INPP5D: variants seen among roughly 807,000 people sequenced by gnomAD.
INPP5D encodes phosphatidylinositol 3,4,5-trisphosphate 5-phosphatase 1.
In INPP5D, 33 loss-of-function variants were observed where a neutral mutation model predicts 122.9. The ratio of observed to expected loss-of-function variants is 0.27; its 90% confidence interval spans 0.20 to 0.36. INPP5D has a LOEUF of 0.36. Ranked by LOEUF, INPP5D falls within the 10% of genes least tolerant of loss-of-function variation. The pLI is 1.00. For synonymous variants in INPP5D, 584 were observed against 576.2 expected, an observed-to-expected ratio of 1.01 and a Z score of -0.19; for missense variants, 1,053 against 1,412.7, an observed-to-expected ratio of 0.75 and a Z score of 4.08.
In INPP5D at chr2:233,116,749, A is replaced by T. The variant is rs571552643; in HGVS notation, c.199-5358A>T. Reference sequence around the variant, plus strand: ...GTAGCTGGGATTACAGGCGCCTGCCACTGCACCTGGCTAATTTTTGTATTT... The same window carrying T: ...GTAGCTGGGATTACAGGCGCCTGCCTCTGCACCTGGCTAATTTTTGTATTT... On this transcript the variant is annotated intron_variant, in intron 2 of 26. Coordinates refer to ENST00000445964, the MANE Select transcript of INPP5D (RefSeq NM_001017915.3). Among the ~76,000 whole-genome samples the T allele has an allele frequency of 5.9e-5, 9 of 151,988 alleles. No homozygotes were observed. The East Asian group carries it at 1.4e-3, about 23-fold the overall frequency.
chr2:233,064,041 A>G (rs1230225967), intron 1 of INPP5D, among the ~76,000 whole-genome samples: 2 of 152,266 alleles, frequency 1.3e-5, no homozygotes, highest in African/African-American at 4.8e-5. Flanking sequence ...GCAAGGGTCC[A>G]TGGGTTGGCC....
At chr2:233,065,267 T>A (rs1364638965) in intron 1 of INPP5D, among the ~76,000 whole-genome samples, 1 of 151,906 alleles carries the variant, frequency 6.6e-6, no homozygotes, top group Non-Finnish European at 1.5e-5. Flanking sequence ...ACCTGGTAGG[T>A]TAAATTCATA....
At chr2:233,203,982 C>A (rs879258147) in intron 25 of INPP5D, 144 bp from the exon 26 acceptor site, 2 of 1,313,122 alleles carry the variant, frequency 1.5e-6, no homozygotes, top group Non-Finnish European at 2.0e-6. Flanking sequence ...TGGTGCCATT[C>A]AGTAAATTTG....
At chr2:233,076,228 A>G (rs1471671360) in intron 1 of INPP5D, 1 of 152,252 alleles carries the variant, frequency 6.6e-6, no homozygotes, top group Non-Finnish European at 1.5e-5. Context: ...CCAAGGGAAG[A>G]GAGCATTGAA....
chr2:233,135,144 C>T (rs958040916), intron 5 of INPP5D, among the ~76,000 whole-genome samples: 2 of 150,650 alleles, frequency 1.3e-5, no homozygotes, highest in East Asian at 3.9e-4. Flanking sequence ...TTGAGAAGCT[C>T]CATAATGATC....
chr2:233,178,205 GA>G (rs1321110006), intron 18 of INPP5D, among the ~76,000 whole-genome samples: 5 of 152,136 alleles, frequency 3.3e-5, no homozygotes, highest in Non-Finnish European at 5.9e-5. Flanking sequence ...GCTGAGGGGG[GA>G]GGATCGCTTG....
chr2:233,086,119 C>G (rs550585456), intron 2 of INPP5D, among the ~76,000 whole-genome samples: 5 of 93,916 alleles, frequency 5.3e-5, no homozygotes, highest in African/African-American at 2.0e-4. Context: ...ATAAGATAGC[C>G]TCTTTCTTTC....
chr2:233,165,775 T>C (rs1694318289), intron 13 of INPP5D, among the ~76,000 whole-genome samples: 1 of 152,074 alleles, frequency 6.6e-6, no homozygotes, highest in South Asian at 2.1e-4. Context: ...TGTGAGTGTG[T>C]GTTTATGAGA....
At chr2:233,204,831 T>TGCGTGCATGTGTGAACGCATGCATGTGC in intron 26 of INPP5D, 114 bp downstream of exon 26, 1 of 1,393,890 alleles carries the variant, frequency 7.2e-7, no homozygotes, top group Non-Finnish European at 9.4e-7. Flanking sequence ...CATGCATATG[T>TGCGTGCATGTGTGAACGCATGCATGTGC]GCGTGCATGT....
chr2:233,094,136 T>G (rs1322187197), intron 2 of INPP5D, among the ~76,000 whole-genome samples: 2 of 151,994 alleles, frequency 1.3e-5, no homozygotes, highest in African/African-American at 2.4e-5. Context: ...TCATGATAAT[T>G]TTATTGCACA....
At chr2:233,083,439 C>G (rs1691743350) in intron 2 of INPP5D, among the ~76,000 whole-genome samples, 1 of 152,208 alleles carries the variant, frequency 6.6e-6, no homozygotes, top group Non-Finnish European at 1.5e-5. Flanking sequence ...ACCTTCTGGA[C>G]TCAGCTTGCA....
Position 233,170,225 on chromosome 2 carries a change from C to T in INPP5D, c.1791+61C>T, listed in dbSNP as rs955918561. On this transcript the variant is annotated intron_variant, in intron 15 of 26. Coordinates refer to ENST00000445964, the MANE Select transcript of INPP5D (RefSeq NM_001017915.3). This position sits in a 1 kb window ranked among gnomAD's most constrained non-coding sequence, Gnocchi z 4.5. ...GTATGAGATGGAGGCTCCCTTGAGT[C>T]AGCTTGGGGCAGGTGGTCGTGGAGA... The T allele has an allele frequency of 6.3e-7, 1 of 1,577,702 alleles. No individual in the cohort carries two copies. The highest frequency in any genetic ancestry group is 1.4e-5 in the African/African-American group (1 of 74,056).
intron 2 of INPP5D, among the ~76,000 whole-genome samples, chr2:233,119,768 T>G (rs889565433): frequency 6.6e-6 from 1 of 152,190 alleles, no homozygotes; most frequent in Admixed American, 6.5e-5. Flanking sequence ...TCACTAGGAC[T>G]TGGAGTTAGC....
chr2:233,065,043 C>T lies in INPP5D; in HGVS notation c.134+4431C>T, dbSNP rs527802413. On this transcript the variant is annotated intron_variant, in intron 1 of 26. Transcript: ENST00000445964. ...GGGCTTTATCCAAGGCTGACTGTGC[C>T]GGGTTTTCTCTCTGCATGCAAGACC... is the stretch of plus-strand genomic sequence containing the variant. Among the ~76,000 whole-genome samples, 6 of 152,304 alleles carry T rather than the reference C, an allele frequency of 3.9e-5. No homozygotes were observed. The East Asian group carries it at 9.6e-4, about 24-fold the overall frequency.
rs1329052923 is a variant in INPP5D at position 233,091,852 on chromosome 2, A to T, written c.198+12454A>T. Among the ~76,000 whole-genome samples, 12 of 152,088 alleles carry T rather than the reference A, an allele frequency of 7.9e-5. No homozygotes were observed. The East Asian group carries it at 2.3e-3, about 29-fold the overall frequency. On this transcript the variant is annotated intron_variant, in intron 2 of 26. Transcript: ENST00000445964. Reference sequence around the variant, plus strand: ...TCTGTCTCCACCACGAGGATGTAAGACTCACGAGAGCCAAGACCTTGTCCA... The same window carrying T: ...TCTGTCTCCACCACGAGGATGTAAGTCTCACGAGAGCCAAGACCTTGTCCA...
chr2:233,184,679 A>G (rs1481060258), intron 20 of INPP5D, among the ~76,000 whole-genome samples, 158 bp downstream of exon 20: 1 of 152,174 alleles, frequency 6.6e-6, no homozygotes, highest in Non-Finnish European at 1.5e-5. Flanking sequence ...TCAAGGGGAC[A>G]CTCAGTTATT....
chr2:233,204,423 T>C lies in INPP5D; in HGVS notation c.3273T>C (p.Ser1091=). The C allele has an allele frequency of 1.2e-6, 2 of 1,608,734 alleles. No individual in the cohort carries two copies. The highest frequency in any genetic ancestry group is 1.7e-6 in the Non-Finnish European group (2 of 1,178,208). ...PRLRSFTCSS[S]AEGRAAGGDK... is the part of the protein sequence containing the mutation. ...TGCGCTCCTTCACGTGCTCATCCTCTGCCGAGGGCAGGGCGGCCGGCGGGG... is the reference window on the plus strand; with the variant it reads ...TGCGCTCCTTCACGTGCTCATCCTCCGCCGAGGGCAGGGCGGCCGGCGGGG... Residue 1091 remains serine, a synonymous_variant, in exon 26 of 27, where the codon TCT becomes TCC. Transcript: ENST00000445964.
chr2:233,062,495 G>A (rs978012959), intron 1 of INPP5D, among the ~76,000 whole-genome samples: 1 of 152,194 alleles, frequency 6.6e-6, no homozygotes, highest in South Asian at 2.1e-4. Flanking sequence ...CTGGGATCCA[G>A]GCCAGTTCTC....
intron 2 of INPP5D, among the ~76,000 whole-genome samples, chr2:233,112,676 T>A (rs1692663604): frequency 6.6e-6 from 1 of 152,124 alleles, no homozygotes; most frequent in Non-Finnish European, 1.5e-5. Flanking sequence ...TATCTATATA[T>A]CTTTTTTTTA....
Sources: allele counts gnomAD v4.1 joint callset (sites outside exome capture counted in the v4.1 genomes callset), GRCh38; gene constraint gnomAD v4.1.1; non-coding constraint Gnocchi (gnomAD v3.1); transcripts MANE v1.5; gene names NCBI Gene and HGNC (gene_info 2026-07-23, HGNC 2026-07-21).